The following CSGALNACT1 variants were observed in gnomAD, a reference collection of about 807,000 sequenced individuals.
CSGALNACT1 encodes the protein beta4GalNAcT-1.
A neutral mutation model predicts 51.0 loss-of-function variants in CSGALNACT1; 52 were observed. The observed-to-expected ratio is 1.02, with a 90% CI of 0.82 to 1.29. The LOEUF (loss-of-function observed/expected upper bound fraction) is 1.29. CSGALNACT1 is among the 50% of genes most tolerant of loss of function. The probability of loss-of-function intolerance (pLI) is 0.00; values close to 1 mark genes in which losing one functional copy is unlikely to be tolerated. For synonymous variants in CSGALNACT1, 341 were observed against 254.4 expected, an observed-to-expected ratio of 1.34 and a Z score of -3.24; for missense variants, 935 against 679.2, an observed-to-expected ratio of 1.38 and a Z score of -4.19.
intron 8 of CSGALNACT1, among the ~76,000 whole-genome samples, chr8:19,416,377 T>C (rs2056880414): frequency 6.6e-6 from 1 of 152,108 alleles, no homozygotes; most frequent in African/African-American, 2.4e-5. Context: ...CCTCCCAAAG[T>C]GCTGGGATTA....
At chr8:19,509,024 C>A (rs925907682) in intron 3 of CSGALNACT1, among the ~76,000 whole-genome samples, 1 of 152,112 alleles carries the variant, frequency 6.6e-6, no homozygotes, top group African/African-American at 2.4e-5. Context: ...GAAGGATGGG[C>A]ATTTTTAATA....
intron 3 of CSGALNACT1, among the ~76,000 whole-genome samples, chr8:19,573,664 G>A (rs540294290): frequency 2.2e-4 from 33 of 151,988 alleles, no homozygotes; most frequent in Non-Finnish European, 4.4e-4. Context: ...GGCTGGTCTC[G>A]AACTTCTGAC....
rs530677152 is a variant in CSGALNACT1, at chr8:19,712,317, G to A, written c.-297+45533C>T. Reference sequence around the variant, plus strand: ...TGGGATTACAGGCGTGAGCCACCGCGCCTGGCCAGAACTCAGAGCTCTTCA... The same window carrying A: ...TGGGATTACAGGCGTGAGCCACCGCACCTGGCCAGAACTCAGAGCTCTTCA... On this transcript the variant is annotated intron_variant, in intron 1 of 1. Coordinates refer to the CSGALNACT1 transcript ENST00000517494. Among the ~76,000 whole-genome samples, 4 of 152,162 alleles carry A rather than the reference G, an allele frequency of 2.6e-5. No individual in the cohort carries two copies. In the South Asian group the frequency reaches 8.3e-4, roughly 32 times the overall value.
intron 1 of CSGALNACT1, among the ~76,000 whole-genome samples, chr8:19,700,237 T>C (rs760119602): frequency 7.9e-5 from 12 of 152,068 alleles, no homozygotes; most frequent in Non-Finnish European, 1.6e-4. Flanking sequence ...ACTGCAGACC[T>C]GGGCCTAGAA....
chr8:19,546,632 T>C lies in CSGALNACT1; in HGVS notation c.-296-40502A>G, dbSNP rs77347011. Among the ~76,000 whole-genome samples, 1,195 of 152,330 alleles carry C rather than the reference T, an allele frequency of 7.8e-3. 16 individuals carry two copies. Among genetic ancestry groups the C allele is most frequent in the African/African-American group, 0.027 (1,132 of 41,578 alleles). ...CCACATCCACTCTCCCAAGTCAGTATTCTCATGAATATTGTTTCTTCCCCC... is the reference window on the plus strand; with the variant it reads ...CCACATCCACTCTCCCAAGTCAGTACTCTCATGAATATTGTTTCTTCCCCC... On this transcript the variant is annotated intron_variant, in intron 3 of 9. Coordinates refer to ENST00000454498, the Ensembl canonical transcript of CSGALNACT1.
At chr8:19,427,846 T>C (rs1329668551) in intron 6 of CSGALNACT1, among the ~76,000 whole-genome samples, 1 of 151,890 alleles carries the variant, frequency 6.6e-6, no homozygotes, top group African/African-American at 2.4e-5. Flanking sequence ...CAAGCCCTCA[T>C]GCACCTTTGC....
exon 10 of CSGALNACT1, chr8:19,404,554 T>C (rs1424375046): frequency 1.1e-5 from 5 of 453,264 alleles, no homozygotes; most frequent in African/African-American, 4.0e-5. Context: ...GTGGATAACA[T>C]GTAGCAAAAA....
At chr8:19,492,593 C>G (rs1044244946) in intron 4 of CSGALNACT1, among the ~76,000 whole-genome samples, 2 of 152,198 alleles carry the variant, frequency 1.3e-5, no homozygotes, top group Non-Finnish European at 2.9e-5. Context: ...ATGCCCCAGT[C>G]TGACTTAGAT....
intron 1 of CSGALNACT1, among the ~76,000 whole-genome samples, chr8:19,734,872 C>A (rs968810288): frequency 2.6e-5 from 4 of 151,736 alleles, no homozygotes; most frequent in African/African-American, 9.7e-5. Context: ...TATACATATA[C>A]ATTATAAATG....
intron 6 of CSGALNACT1, among the ~76,000 whole-genome samples, chr8:19,426,389 GAA>G (rs1002767929): frequency 1.4e-4 from 22 of 152,272 alleles, no homozygotes; most frequent in African/African-American, 5.3e-4. Flanking sequence ...GTAAATAACA[GAA>G]AAGAGATGAG....
At chr8:19,460,538 T>A (rs1230408959) in intron 4 of CSGALNACT1, among the ~76,000 whole-genome samples, 15 of 152,028 alleles carry the variant, frequency 9.9e-5, no homozygotes, top group Non-Finnish European at 5.9e-5. Flanking sequence ...GTCTCCTTAA[T>A]CCCCACAGTG....
chr8:19,676,106 A>AG (rs1554800961), intron 1 of CSGALNACT1, among the ~76,000 whole-genome samples: 1 of 150,794 alleles, frequency 6.6e-6, no homozygotes, highest in East Asian at 1.9e-4. Context: ...CAAAACAAAA[A>AG]AAACTCCCAG....
At chr8:19,673,472 G>A (rs958416) in intron 1 of CSGALNACT1, among the ~76,000 whole-genome samples, 5 of 152,030 alleles carry the variant, frequency 3.3e-5, no homozygotes, top group Admixed American at 1.3e-4. Flanking sequence ...AAAGTTGCTA[G>A]GCACTATGTG....
At chr8:19,644,186 G>A (rs1036510414) in intron 1 of CSGALNACT1, among the ~76,000 whole-genome samples, 9 of 152,216 alleles carry the variant, frequency 5.9e-5, no homozygotes, top group Middle Eastern at 3.4e-3. Flanking sequence ...TGTGCACACA[G>A]TGCACACACA....
intron 3 of CSGALNACT1, among the ~76,000 whole-genome samples, chr8:19,561,672 G>C (rs2040753959): frequency 6.6e-6 from 1 of 152,218 alleles, no homozygotes. Flanking sequence ...GAAGGGGCAG[G>C]GGGCATACAG....
At chr8:19,428,970 A>G (rs1423783281) in intron 6 of CSGALNACT1, among the ~76,000 whole-genome samples, 1 of 151,970 alleles carries the variant, frequency 6.6e-6, no homozygotes, top group Non-Finnish European at 1.5e-5. Flanking sequence ...CATTTAGTAC[A>G]TTCGCGATGC....
chr8:19,412,343 T>C (rs2055967776), intron 8 of CSGALNACT1, among the ~76,000 whole-genome samples: 1 of 152,186 alleles, frequency 6.6e-6, no homozygotes, highest in Non-Finnish European at 1.5e-5. Flanking sequence ...GATTATTTTC[T>C]ATTAGGACCA....
intron 1 of CSGALNACT1, among the ~76,000 whole-genome samples, chr8:19,747,440 G>A (rs1170270606): frequency 6.6e-6 from 1 of 152,196 alleles, no homozygotes; most frequent in Non-Finnish European, 1.5e-5. Context: ...GTCCAGTGAA[G>A]CTGGATAAAT....
chr8:19,747,352 C>G (rs2064741755), intron 1 of CSGALNACT1, among the ~76,000 whole-genome samples: 3 of 152,170 alleles, frequency 2.0e-5, no homozygotes, highest in Admixed American at 1.3e-4. Flanking sequence ...GAGGCGTTCC[C>G]TGAGGCCTCT....
Sources: gnomAD v4.1 joint callset for allele counts (sites outside exome capture counted in the v4.1 genomes callset) on GRCh38, gnomAD v4.1.1 for gene constraint, MANE v1.5 for transcripts, NCBI Gene and HGNC (gene_info 2026-07-23, HGNC 2026-07-21) for gene names.